MYO3A: variants seen among roughly 807,000 people sequenced by gnomAD.
MYO3A encodes myosin IIIA.
Under a neutral mutation model 192.7 loss-of-function variants are expected in MYO3A, and 180 were observed. The ratio of observed to expected loss-of-function variants is 0.93; its 90% CI spans 0.83 to 1.06. The LOEUF (loss-of-function observed/expected upper bound fraction) is 1.06, where lower values mean the gene tolerates loss of function less well. MYO3A is among the 50% of genes least tolerant of loss of function. The probability of loss-of-function intolerance (pLI) is 0.00; values close to 1 mark genes in which losing one functional copy is unlikely to be tolerated. For synonymous variants in MYO3A, 628 were observed against 645.3 expected (o/e 0.97, Z 0.41); for missense variants, 1,896 against 1,905.0 (o/e 1.00, Z 0.09).
chr10:26,128,168 G>A (rs928591481), intron 19 of MYO3A, among the ~76,000 whole-genome samples: 5 of 152,106 alleles, frequency 3.3e-5, no homozygotes, highest in Non-Finnish European at 7.4e-5. Context: ...AGTGGTTTCT[G>A]TAGTTCAAGG....
At chr10:25,956,071 T>C (rs1837514943) in intron 4 of MYO3A, among the ~76,000 whole-genome samples, 1 of 152,194 alleles carries the variant, frequency 6.6e-6, no homozygotes, top group African/African-American at 2.4e-5. Flanking sequence ...GAAGAAACGC[T>C]GTGTTCTCAC....
intron 2 of MYO3A, among the ~76,000 whole-genome samples, chr10:25,936,230 C>T (rs1447967361): frequency 6.6e-6 from 1 of 151,584 alleles, no homozygotes; most frequent in Non-Finnish European, 1.5e-5. Context: ...ATCTTTATAG[C>T]CTAATTTTTT....
chr10:26,062,410 G>C (rs553232202), intron 10 of MYO3A, among the ~76,000 whole-genome samples: 2 of 149,908 alleles, frequency 1.3e-5, no homozygotes, highest in African/African-American at 4.9e-5. Context: ...TCAGCTACTC[G>C]GGAGGCTGAG....
At chr10:26,150,940 G>A (rs138786402) in intron 23 of MYO3A, among the ~76,000 whole-genome samples, 1 of 151,968 alleles carries the variant, frequency 6.6e-6, no homozygotes, top group East Asian at 1.9e-4. Context: ...GCACTTATAT[G>A]GGTTATTTAT....
intron 20 of MYO3A, among the ~76,000 whole-genome samples, chr10:26,135,804 A>G (rs2131801457): frequency 6.6e-6 from 1 of 152,002 alleles, no homozygotes; most frequent in Admixed American, 6.6e-5. Context: ...CATCTCTACT[A>G]AAAATACAAA....
At chr10:26,107,407 G>A (rs1023162065) in intron 17 of MYO3A, among the ~76,000 whole-genome samples, 2 of 150,734 alleles carry the variant, frequency 1.3e-5, no homozygotes, top group Non-Finnish European at 2.9e-5. Flanking sequence ...CTTGAACCCG[G>A]GAAGCAGAGG....
intron 17 of MYO3A, among the ~76,000 whole-genome samples, chr10:26,104,495 A>G (rs944088821): frequency 6.6e-6 from 1 of 152,140 alleles, no homozygotes; most frequent in Admixed American, 6.5e-5. Context: ...ACAAATATAT[A>G]GGTTTATTTC....
At chr10:26,041,253 A>G (rs1448820703) in intron 10 of MYO3A, among the ~76,000 whole-genome samples, 3 of 151,986 alleles carry the variant, frequency 2.0e-5, no homozygotes, top group East Asian at 3.9e-4. Flanking sequence ...ACCTCTTTCC[A>G]TTCCTTTATT....
At chr10:26,195,637 C>T (rs1182804795) in intron 32 of MYO3A, among the ~76,000 whole-genome samples, 1 of 152,228 alleles carries the variant, frequency 6.6e-6, no homozygotes, top group African/African-American at 2.4e-5. Flanking sequence ...TTCCCAGTAA[C>T]CTGCATTCTC....
chr10:26,112,139 ATATAAT>A (rs1838224456), intron 17 of MYO3A, among the ~76,000 whole-genome samples: 1 of 152,360 alleles, frequency 6.6e-6, no homozygotes, highest in Admixed American at 6.5e-5. Flanking sequence ...CTATTGACAA[ATATAAT>A]TATTTATTTC....
intron 18 of MYO3A, among the ~76,000 whole-genome samples, chr10:26,124,188 C>CCAA (rs1839053939): frequency 1.1e-5 from 1 of 89,576 alleles, no homozygotes; most frequent in African/African-American, 4.3e-5. Context: ...GACTTTGTCT[C>CCAA]AAAAAAAAAA....
chr10:26,126,614 A>G (rs1219146009), intron 19 of MYO3A, among the ~76,000 whole-genome samples: 1 of 152,166 alleles, frequency 6.6e-6, no homozygotes, highest in Non-Finnish European at 1.5e-5. Flanking sequence ...TATTATGTCA[A>G]GCATTCATAT....
intron 4 of MYO3A, among the ~76,000 whole-genome samples, chr10:25,980,020 A>T (rs192425534): frequency 1.8e-3 from 270 of 152,284 alleles, no homozygotes; most frequent in African/African-American, 6.4e-3. Context: ...GTGGATCATG[A>T]GGTCAGGAGA....
At chr10:26,120,381 G>A (rs1381623520) in intron 17 of MYO3A, among the ~76,000 whole-genome samples, 1 of 151,980 alleles carries the variant, frequency 6.6e-6, no homozygotes, top group African/African-American at 2.4e-5. Context: ...AATGAATGAG[G>A]CATTTCTACT....
chr10:26,191,979 T>C (rs956552418), intron 31 of MYO3A, among the ~76,000 whole-genome samples: 1 of 152,222 alleles, frequency 6.6e-6, no homozygotes, highest in Non-Finnish European at 1.5e-5. Flanking sequence ...GTGTATTGAA[T>C]GAAGCTTTCC....
chr10:25,936,270 T>C (rs1399904849), intron 2 of MYO3A, among the ~76,000 whole-genome samples: 1 of 152,112 alleles, frequency 6.6e-6, no homozygotes, highest in Admixed American at 6.5e-5. Flanking sequence ...AAAATAACTT[T>C]CTCTGTCAAA....
intron 4 of MYO3A, among the ~76,000 whole-genome samples, chr10:25,988,857 T>C (rs912834126): frequency 6.6e-6 from 1 of 150,740 alleles, no homozygotes; most frequent in Non-Finnish European, 1.5e-5. Flanking sequence ...TACAGCCAAA[T>C]AGAGGCCACA....
At chr10:26,166,201 A>G (rs1444790324) in intron 27 of MYO3A, 23 bp downstream of exon 27, 1 of 1,542,780 alleles carries the variant, frequency 6.5e-7, no homozygotes, top group East Asian at 2.2e-5. Context: ...TGTAATTTTC[A>G]GGAAAATAAA....
intron 18 of MYO3A, 56 bp downstream of exon 18, chr10:26,120,858 C>T: frequency 1.9e-6 from 3 of 1,590,580 alleles, no homozygotes; most frequent in South Asian, 2.2e-5. Flanking sequence ...TATGACATAC[C>T]ATAAGTATCA....
Sources: allele counts gnomAD v4.1 joint callset (sites outside exome capture counted in the v4.1 genomes callset), GRCh38; gene constraint gnomAD v4.1.1; transcripts MANE v1.5; gene names NCBI Gene and HGNC (gene_info 2026-07-23, HGNC 2026-07-21).